Variants in TLR2 observed in about 807,000 individuals in gnomAD.
TLR2 encodes toll-like receptor 2.
In TLR2, 7 loss-of-function variants were observed where a neutral mutation model predicts 9.1. That is an observed-to-expected ratio of 0.77 (90% confidence interval 0.44 to 1.44). The LOEUF is 1.44. Among genes scored for constraint, TLR2 ranks in the 40% most tolerant of loss-of-function variants. The pLI is 0.01. For synonymous variants in TLR2, 317 were observed against 344.6 expected, an observed-to-expected ratio of 0.92 and a Z score of 0.89; for missense variants, 812 against 904.6, an observed-to-expected ratio of 0.90 and a Z score of 1.31.
chr4:153,684,565 C>T (rs957132288), intron 1 of TLR2, among the ~76,000 whole-genome samples: 5 of 152,202 alleles, frequency 3.3e-5, no homozygotes, highest in African/African-American at 9.7e-5. Flanking sequence ...CTTCTTTGCA[C>T]GGCCCAGCGC....
chr4:153,691,229 T>G (rs1189248414), intron 2 of TLR2, among the ~76,000 whole-genome samples: 1 of 131,162 alleles, frequency 7.6e-6, no homozygotes, highest in African/African-American at 2.5e-5. Context: ...TTAGTTAATT[T>G]CAAAAATTGA....
intron 2 of TLR2, chr4:153,688,467 G>A (rs746858527): frequency 6.6e-6 from 1 of 152,190 alleles, no homozygotes; most frequent in Non-Finnish European, 1.5e-5. Context: ...GAAATCAGGG[G>A]ACTCACAGCC....
Position 153,704,040 on chromosome 4 carries a change from A to T in TLR2, c.1133A>T (p.Lys378Ile). 3 of 1,614,172 alleles carry T rather than the reference A, an allele frequency of 1.9e-6. No individual in the cohort carries two copies. Among genetic ancestry groups the T allele is most frequent in the Non-Finnish European group, 2.5e-6 (3 of 1,180,024 alleles). Reference protein sequence around the residue: ...SENLMVEEYLKNSACEDAWPS... With the variant: ...SENLMVEEYLINSACEDAWPS... Reference sequence around the variant, plus strand: ...AATTTGATGGTTGAAGAATACTTGAAAAATTCAGCCTGTGAGGATGCCTGG... The same window carrying T: ...AATTTGATGGTTGAAGAATACTTGATAAATTCAGCCTGTGAGGATGCCTGG... Residue 378 changes from lysine to isoleucine, a missense_variant, in exon 3 of 3, where the codon AAA (lysine) becomes ATA (isoleucine). Physicochemically the swap from Lys to Ile is moderately radical, Grantham distance 102. Transcript: ENST00000642700.
chr4:153,686,177 C>T (rs142774580), intron 1 of TLR2, among the ~76,000 whole-genome samples: 265 of 152,166 alleles, frequency 1.7e-3, no homozygotes, highest in Non-Finnish European at 2.6e-3. Context: ...CGCAGTGAGC[C>T]GAGATCATGC....
chr4:153,703,260 C>T lies in TLR2; in HGVS notation c.353C>T (p.Ser118Phe), dbSNP rs1737052034. Residue 118 changes from serine to phenylalanine, a missense_variant, in exon 3 of 3, where the codon TCC becomes TTC. Physicochemically the swap from Ser to Phe is radical, Grantham distance 155. Transcript: ENST00000642700. ...SYNYLSNLSS[S>F]WFKPLSSLTF... is the part of the protein sequence containing the mutation. Reference sequence around the variant, plus strand: ...AATTACTTATCTAATTTATCGTCTTCCTGGTTCAAGCCCCTTTCTTCTTTA... The same window carrying T: ...AATTACTTATCTAATTTATCGTCTTTCTGGTTCAAGCCCCTTTCTTCTTTA... 6.2e-7 allele frequency: 1 copy of T among 1,613,712 alleles called. No homozygotes were observed. The highest frequency in any genetic ancestry group is 1.1e-5 in the South Asian group (1 of 90,936).
At chr4:153,710,496 C>A (rs1367408402), downstream of TLR2, 1 of 1,609,122 alleles carries the variant, frequency 6.2e-7, no homozygotes, top group Non-Finnish European at 8.5e-7. Context: ...CCAGCTAAAT[C>A]TCAGTTAAGG....
chr4:153,696,133 C>T (rs1384606615), intron 2 of TLR2, among the ~76,000 whole-genome samples: 2 of 152,078 alleles, frequency 1.3e-5, no homozygotes, highest in Non-Finnish European at 2.9e-5. Context: ...GTTCTTTTTG[C>T]TCAGAATAGC....
Position 153,703,966 on chromosome 4 carries a change from T to A in TLR2, c.1059T>A (p.Cys353Ter), listed in dbSNP as rs200805994. 176 of 1,611,644 alleles carry A rather than the reference T, an allele frequency of 1.1e-4. No individual in the cohort carries two copies. Among genetic ancestry groups the A allele is most frequent in the Admixed American group, 2.4e-4 (14 of 59,488 alleles). ...ACAGTAAAGTTTTTCTGGTTCCTTGTTTACTTTCACAACATTTAAAATCAT... is the reference window on the plus strand; with the variant it reads ...ACAGTAAAGTTTTTCTGGTTCCTTGATTACTTTCACAACATTTAAAATCAT... ...VENSKVFLVP[C>*]LLSQHLKSLE... The change falls in exon 3 of 3, where the codon TGT becomes TGA. Residue 353 changes from cysteine (C) to a stop codon, truncating the protein, a stop_gained. Transcript: ENST00000642700. LOFTEE classifies it low-confidence loss of function (END_TRUNC).
chr4:153,710,090 C>T, downstream of TLR2: 1 of 248,418 alleles, frequency 4.0e-6, no homozygotes, highest in Non-Finnish European at 7.7e-6. Context: ...TGTTATCAGT[C>T]AAACTGGAAG....
intron 1 of TLR2, among the ~76,000 whole-genome samples, chr4:153,684,804 G>A (rs886718247): frequency 1.3e-5 from 2 of 152,150 alleles, no homozygotes; most frequent in African/African-American, 2.4e-5. Flanking sequence ...CCTCCCTCGG[G>A]AGGCCGAGGG....
rs149503028 is a variant in TLR2, at chr4:153,686,530, A to G, written c.-162-1372A>G. ...TAAAAGGTATAAAGTGAACAGATGC[A>G]ACCATTTATCAAAAGAAAGCTGTTG... On this transcript the variant is annotated intron_variant, in intron 1 of 2. Transcript: ENST00000642700. 5.0e-3 allele frequency among the ~76,000 whole-genome samples: 758 copies of G among 152,330 alleles called. 7 individuals are homozygous for G. Among genetic ancestry groups the G allele is most frequent in the African/African-American group, 0.017 (727 of 41,568 alleles).
rs1413797447 is a variant in TLR2, at chr4:153,704,646, T to C, written c.1739T>C (p.Leu580Pro). ...GGCCAGCAGGTTCAGGATGTCCGCC[T>C]CTCGGTGTCGGAATGTCACAGGACA... ...VRGQQVQDVR[L>P]SVSECHRTAL... Residue 580 changes from leucine (L) to proline (P), a missense_variant, in exon 3 of 3, where the codon CTC (leucine) becomes CCC (proline). Leu to Pro is a moderately conservative substitution (Grantham distance 98). Transcript: ENST00000642700. 6.2e-7 allele frequency: 1 copy of C among 1,613,364 alleles called. No homozygotes were observed. Among genetic ancestry groups the C allele is most frequent in the East Asian group, 2.2e-5 (1 of 44,848 alleles).
chr4:153,706,563 C>T (rs1639440923), downstream of TLR2, among the ~76,000 whole-genome samples: 1 of 152,110 alleles, frequency 6.6e-6, no homozygotes, highest in Non-Finnish European at 1.5e-5. Flanking sequence ...GATACTACTA[C>T]CATATGTTAA....
chr4:153,710,037 T>A (rs1737459727), downstream of TLR2: 2 of 179,120 alleles, frequency 1.1e-5, no homozygotes, highest in Non-Finnish European at 2.3e-5. Flanking sequence ...AAATGTTGTG[T>A]GTGAGAAGTA....
intron 2 of TLR2, chr4:153,701,944 G>A: frequency 6.6e-6 from 1 of 152,072 alleles, no homozygotes; most frequent in East Asian, 1.9e-4. Flanking sequence ...TGGGGAATTA[G>A]TTTTACTCAT....
At chr4:153,685,164 C>A (rs1735612998) in intron 1 of TLR2, among the ~76,000 whole-genome samples, 1 of 152,248 alleles carries the variant, frequency 6.6e-6, no homozygotes, top group Admixed American at 6.5e-5. Flanking sequence ...TGAGTTAGGT[C>A]TCTGATTAGA....
intron 1 of TLR2, among the ~76,000 whole-genome samples, chr4:153,685,336 GAA>G (rs949998531): frequency 2.6e-5 from 4 of 152,186 alleles, no homozygotes; most frequent in African/African-American, 9.6e-5. Context: ...GAAAGAGAGA[GAA>G]AGAGGTGATT....
intron 2 of TLR2, 130 bp from the exon 3 acceptor site, chr4:153,702,760 CTT>C (rs1491160128): frequency 3.2e-4 from 126 of 392,600 alleles, no homozygotes; most frequent in African/African-American, 2.6e-3. Flanking sequence ...CTCTCTCTCT[CTT>C]TGTGTGTGTG....
chr4:153,710,374 C>A (rs183382030), downstream of TLR2: 440 of 1,553,896 alleles, frequency 2.8e-4, no homozygotes, highest in Non-Finnish European at 3.4e-4. Context: ...CTGTCCTATT[C>A]CAGCCCTAGT....
Sources: gnomAD v4.1 joint callset for allele counts (sites outside exome capture counted in the v4.1 genomes callset) on GRCh38, gnomAD v4.1.1 for gene constraint, MANE v1.5 for transcripts, NCBI Gene and HGNC (gene_info 2026-07-23, HGNC 2026-07-21) for gene names.